Variants in USP45 observed in about 807,000 individuals in gnomAD.
USP45 encodes ubiquitin carboxyl-terminal hydrolase 45.
Under a neutral mutation model 95.8 loss-of-function variants are expected in USP45, and 89 were observed. The ratio of observed to expected loss-of-function variants is 0.93; its 90% CI spans 0.78 to 1.11. USP45 has a LOEUF of 1.11. Ranked by LOEUF, USP45 falls within the 50% of genes least tolerant of loss-of-function variation. The probability of loss-of-function intolerance (pLI) is 0.00; values close to 1 mark genes in which losing one functional copy is unlikely to be tolerated. For synonymous variants in USP45, 281 were observed against 316.2 expected, an observed-to-expected ratio of 0.89 and a Z score of 1.18; for missense variants, 898 against 942.5, an observed-to-expected ratio of 0.95 and a Z score of 0.62.
At chr6:99,516,010 C>T (rs1193307774), upstream of USP45, among the ~76,000 whole-genome samples, 1 of 152,012 alleles carries the variant, frequency 6.6e-6, no homozygotes, top group African/African-American at 2.4e-5. Flanking sequence ...ATCTCCTGAC[C>T]TTGTGATCCG....
At chr6:99,442,819 C>G (rs960723805) in intron 15 of USP45, among the ~76,000 whole-genome samples, 2 of 152,110 alleles carry the variant, frequency 1.3e-5, no homozygotes, top group African/African-American at 2.4e-5. Flanking sequence ...TGTACTCCAG[C>G]CTGGCAACAG....
chr6:99,442,108 T>A (rs1369736083), intron 15 of USP45, among the ~76,000 whole-genome samples: 1 of 152,208 alleles, frequency 6.6e-6, no homozygotes, highest in Non-Finnish European at 1.5e-5. Flanking sequence ...GGGACCTAGA[T>A]GGATGTCCAT....
chr6:99,450,850 T>C (rs1280236660), intron 13 of USP45, among the ~76,000 whole-genome samples: 7 of 152,188 alleles, frequency 4.6e-5, no homozygotes, highest in Non-Finnish European at 1.0e-4. Context: ...TCAAGTGGGC[T>C]TCATCCCTGG....
intron 13 of USP45, among the ~76,000 whole-genome samples, chr6:99,456,795 C>T (rs551980056): frequency 6.8e-6 from 1 of 147,814 alleles, no homozygotes; most frequent in Non-Finnish European, 1.5e-5. Context: ...AACAGAATAA[C>T]AGCAATTGTT....
intron 5 of USP45, among the ~76,000 whole-genome samples, chr6:99,499,960 A>T (rs1425770146): frequency 6.6e-6 from 1 of 152,204 alleles, no homozygotes; most frequent in East Asian, 1.9e-4. Context: ...TTAGCCTCTT[A>T]AAGATTTAGT....
At chr6:99,481,677 A>C (rs1182027940) in intron 8 of USP45, among the ~76,000 whole-genome samples, 1 of 151,906 alleles carries the variant, frequency 6.6e-6, no homozygotes, top group Non-Finnish European at 1.5e-5. Flanking sequence ...AATCTCTCCC[A>C]CCTCTAGTAA....
rs570784850 is a variant in USP45, at chr6:99,434,230, A to G, written c.*1486T>C. On this transcript the variant is annotated 3_prime_UTR_variant, in exon 18 of 18. Coordinates refer to ENST00000500704, the MANE Select transcript of USP45 (RefSeq NM_001346022.3). ...TTTAATTACAGTTATGTTCATCCAT[A>G]TATCAAAAGGCAGCACTGGTAACCT... is the stretch of plus-strand genomic sequence containing the variant. The G allele has an allele frequency of 1.3e-3, 153 of 120,000 alleles. 1 individual carries two copies. Among genetic ancestry groups the G allele is most frequent in the Middle Eastern group, 4.9e-3 (1 of 206 alleles). The allele number at this position is 120,000 out of a possible 1,614,324, so 7.4% of individuals were successfully genotyped here. A position where few individuals can be genotyped will look rare whatever the true frequency, so the allele number is the denominator to read the frequency against.
intron 13 of USP45, among the ~76,000 whole-genome samples, chr6:99,448,792 C>T (rs984130826): frequency 1.3e-5 from 2 of 152,160 alleles, no homozygotes; most frequent in Admixed American, 6.5e-5. Flanking sequence ...TCAGGTTACC[C>T]GCAAAGGGAA....
At chr6:99,468,397 A>T in intron 10 of USP45, 140 bp downstream of exon 10, 1 of 617,186 alleles carries the variant, frequency 1.6e-6, no homozygotes, top group Non-Finnish European at 2.8e-6. Flanking sequence ...AGTATTTTTC[A>T]GACACTGCAG....
At chr6:99,514,970 A>G (rs1800827915) in intron 1 of USP45, 1 of 152,220 alleles carries the variant, frequency 6.6e-6, no homozygotes, top group Non-Finnish European at 1.5e-5. Context: ...TGCGGACCCA[A>G]GCAGTCCGGC....
intron 7 of USP45, 94 bp from the exon 8 acceptor site, chr6:99,482,977 A>G (rs1792802295): frequency 9.2e-7 from 1 of 1,082,164 alleles, no homozygotes; most frequent in East Asian, 3.1e-5. Flanking sequence ...AATAACACCA[A>G]CTAAATTGCC....
At chr6:99,449,250 T>C (rs1026509772) in intron 13 of USP45, among the ~76,000 whole-genome samples, 2 of 152,112 alleles carry the variant, frequency 1.3e-5, no homozygotes, top group African/African-American at 4.8e-5. Context: ...TCAAGACCCA[T>C]CAGTGTGCTG....
intron 17 of USP45, among the ~76,000 whole-genome samples, chr6:99,436,730 C>G (rs1043524388): frequency 6.6e-6 from 1 of 152,142 alleles, no homozygotes; most frequent in Non-Finnish European, 1.5e-5. Context: ...ACCATGTCAT[C>G]TCATATGACC....
chr6:99,446,619 A>C (rs1162236067), intron 13 of USP45, among the ~76,000 whole-genome samples, 156 bp from the exon 14 acceptor site: 2 of 152,352 alleles, frequency 1.3e-5, no homozygotes, highest in South Asian at 2.1e-4. Flanking sequence ...GATATACTAA[A>C]AAATAGTTCT....
intron 8 of USP45, chr6:99,482,430 C>G (rs1157787478): frequency 1.6e-5 from 4 of 252,974 alleles, no homozygotes; most frequent in African/African-American, 4.4e-5. Context: ...GATTTTACAA[C>G]TCTATGGTTT....
intron 5 of USP45, among the ~76,000 whole-genome samples, chr6:99,497,712 A>C (rs1464199008): frequency 1.3e-5 from 2 of 152,194 alleles, no homozygotes; most frequent in Non-Finnish European, 2.9e-5. Flanking sequence ...CTTAAAACTT[A>C]ACAGTGGTTC....
chr6:99,490,392 C>G (rs753289042), intron 5 of USP45, among the ~76,000 whole-genome samples: 1 of 151,370 alleles, frequency 6.6e-6, no homozygotes, highest in South Asian at 2.1e-4. Context: ...GTTGGCCAGG[C>G]TGGTCTCAAA....
intron 1 of USP45, 33 bp downstream of exon 1, chr6:99,515,359 C>T (rs1452927485): frequency 2.0e-5 from 3 of 152,260 alleles, no homozygotes; most frequent in African/African-American, 7.2e-5. Context: ...ACCATACCGC[C>T]GCTGCGACCA....
At chr6:99,517,689 T>A (rs1190622250), upstream of USP45, among the ~76,000 whole-genome samples, 1 of 151,842 alleles carries the variant, frequency 6.6e-6, no homozygotes, top group Non-Finnish European at 1.5e-5. Flanking sequence ...GCAATCCATC[T>A]GCCTTGGCCT....
Sources: allele counts gnomAD v4.1 joint callset (sites outside exome capture counted in the v4.1 genomes callset), GRCh38; gene constraint gnomAD v4.1.1; transcripts MANE v1.5; gene names NCBI Gene and HGNC (gene_info 2026-07-23, HGNC 2026-07-21).